The following TMEM116 variants were observed in gnomAD, a reference collection of about 807,000 sequenced individuals.
TMEM116 encodes the protein transmembrane protein 116.
TMEM116 carries 38 observed loss-of-function variants against 44.3 expected under a neutral mutation model. That is an observed-to-expected ratio of 0.86 (90% CI 0.66 to 1.12). TMEM116 has a LOEUF of 1.12. Ranked by LOEUF, TMEM116 falls within the 50% of genes most tolerant of loss-of-function variation. The pLI is 0.00. For missense variants in TMEM116, 354 were observed against 401.7 expected (o/e 0.88, Z 1.01); for synonymous variants, 132 against 144.8 (o/e 0.91, Z 0.64).
At position 111,933,427 on chromosome 12, in the gene TMEM116, T is replaced by C. The variant is rs1181460149; in HGVS notation, c.733+459A>G. Among the ~76,000 whole-genome samples the C allele has an allele frequency of 2.0e-5, 3 of 151,494 alleles. No individual in the cohort carries two copies. In the East Asian group the frequency reaches 5.8e-4, roughly 29 times the overall value. Reference sequence around the variant, plus strand: ...AGGAGTTAAGGAGGGTAGTAAAAACTGGAAATATGGGTAGGGCCCATACAA... The same window carrying C: ...AGGAGTTAAGGAGGGTAGTAAAAACCGGAAATATGGGTAGGGCCCATACAA... On this transcript the variant is annotated intron_variant, in intron 9 of 10. Coordinates refer to ENST00000552374, the MANE Select transcript of TMEM116 (RefSeq NM_001193531.2).
chr12:111,931,875 G>C (rs1005099969), intron 10 of TMEM116, 48 bp from the exon 11 acceptor site: 3 of 1,315,764 alleles, frequency 2.3e-6, no homozygotes, highest in Non-Finnish European at 3.1e-6. Flanking sequence ...GGTTTTCAGG[G>C]ATCCAGGGAA....
intron 4 of TMEM116, among the ~76,000 whole-genome samples, chr12:111,968,446 A>G (rs1255893218): frequency 6.6e-6 from 1 of 152,228 alleles, no homozygotes; most frequent in Admixed American, 6.5e-5. Context: ...ACAATTCAAG[A>G]ATAGTTATGG....
chr12:111,962,395 T>G (rs1441487421), intron 4 of TMEM116, among the ~76,000 whole-genome samples: 3 of 152,132 alleles, frequency 2.0e-5, no homozygotes, highest in African/African-American at 7.2e-5. Flanking sequence ...GGAGGCATCA[T>G]GCCACCTGAC....
intron 4 of TMEM116, among the ~76,000 whole-genome samples, chr12:111,974,272 A>G (rs574429144): frequency 6.6e-6 from 1 of 152,312 alleles, no homozygotes; most frequent in South Asian, 2.1e-4. Context: ...AATCAGGAAA[A>G]AGACAGGACT....
intron 4 of TMEM116, among the ~76,000 whole-genome samples, chr12:111,965,217 A>T (rs1056844554): frequency 3.3e-5 from 5 of 152,110 alleles, no homozygotes; most frequent in African/African-American, 1.2e-4. Context: ...CCAGCTAGAG[A>T]GTAATTTTGA....
At chr12:111,979,273 A>T (rs2075826729) in intron 4 of TMEM116, among the ~76,000 whole-genome samples, 1 of 151,112 alleles carries the variant, frequency 6.6e-6, no homozygotes, top group African/African-American at 2.4e-5. Context: ...TATACATATT[A>T]TATATATATA....
At chr12:111,985,049 A>G (rs1416227713) in intron 4 of TMEM116, among the ~76,000 whole-genome samples, 1 of 152,190 alleles carries the variant, frequency 6.6e-6, no homozygotes, top group African/African-American at 2.4e-5. Context: ...ATACTCAATG[A>G]TGAAAGACAA....
chr12:112,005,218 C>T (rs1303994183), intron 2 of TMEM116, 39 bp downstream of exon 2: 2 of 1,347,702 alleles, frequency 1.5e-6, no homozygotes, highest in Non-Finnish European at 1.9e-6. Flanking sequence ...ACGAACTTTG[C>T]TTATACTAGT....
chr12:112,008,307 C>G (rs998348265), intron 1 of TMEM116, among the ~76,000 whole-genome samples: 1 of 152,044 alleles, frequency 6.6e-6, no homozygotes, highest in Non-Finnish European at 1.5e-5. Context: ...ATGGTGAAAC[C>G]CCGCCTCTAC....
intron 4 of TMEM116, among the ~76,000 whole-genome samples, chr12:111,985,018 A>G (rs754306365): frequency 7.2e-5 from 11 of 152,072 alleles, no homozygotes; most frequent in African/African-American, 1.4e-4. Context: ...CTCATACTCA[A>G]TGATGAAAGA....
Position 111,932,641 on chromosome 12 carries a change from A to G in TMEM116, c.752T>C (p.Ile251Thr), listed in dbSNP as rs768095473. The change falls in exon 10 of 11, where the codon ATA (isoleucine) becomes ACA (threonine). Residue 251 changes from isoleucine (I) to threonine (T), a missense_variant. Ile to Thr is a moderately conservative substitution (Grantham distance 89). Transcript: ENST00000552374. ...CWGPAVILMI[I>T]KLTKPQDTKL... ...GGTGTCCTGTGGCTTAGTCAGCTTT[A>G]TGATCATTAGAATGACAGCTGTGAA... 6.2e-7 allele frequency: 1 copy of G among 1,614,072 alleles called. No individual in the cohort carries two copies.
intron 3 of TMEM116, among the ~76,000 whole-genome samples, chr12:111,996,149 T>G (rs2076923122): frequency 6.6e-6 from 1 of 151,614 alleles, no homozygotes; most frequent in African/African-American, 2.4e-5. Flanking sequence ...ATGTCTTCAA[T>G]TTTTGTTTAG....
chr12:111,952,232 C>T (rs918748214), intron 4 of TMEM116, among the ~76,000 whole-genome samples: 2 of 151,944 alleles, frequency 1.3e-5, no homozygotes, highest in Admixed American at 1.3e-4. Context: ...CATCTCAAAA[C>T]AAAACAAAAC....
At chr12:111,972,315 C>T (rs1186779732) in intron 4 of TMEM116, among the ~76,000 whole-genome samples, 1 of 151,724 alleles carries the variant, frequency 6.6e-6, no homozygotes, top group Non-Finnish European at 1.5e-5. Flanking sequence ...GTTTATGTAC[C>T]TAATAAAAGA....
intron 5 of TMEM116, 140 bp downstream of exon 5, chr12:111,943,125 A>G: frequency 1.4e-6 from 1 of 693,626 alleles, no homozygotes; most frequent in Non-Finnish European, 2.5e-6. Context: ...GGCTTTCACC[A>G]CTTGCCCAGA....
intron 3 of TMEM116, among the ~76,000 whole-genome samples, chr12:112,002,393 C>CAAAA (rs1160168400): frequency 1.5e-5 from 1 of 66,900 alleles, no homozygotes; most frequent in African/African-American, 5.4e-5. Context: ...AACTCTGTCT[C>CAAAA]AAAAAAAAAA....
chr12:111,950,817 C>A (rs2073682100), intron 4 of TMEM116, among the ~76,000 whole-genome samples: 1 of 151,986 alleles, frequency 6.6e-6, no homozygotes, highest in Non-Finnish European at 1.5e-5. Context: ...GCAAAAAATG[C>A]AAAAATTGCC....
intron 4 of TMEM116, among the ~76,000 whole-genome samples, chr12:111,976,559 C>T (rs73426393): frequency 0.096 from 14,657 of 152,110 alleles, 809 homozygotes; most frequent in Middle Eastern, 0.18. Context: ...TACCTAATAC[C>T]TCACAACTTT....
At chr12:111,993,241 C>T (rs1386638558) in intron 3 of TMEM116, 1 of 434,820 alleles carries the variant, frequency 2.3e-6, no homozygotes, top group Non-Finnish European at 4.7e-6. Context: ...GCGGTCATTC[C>T]CCTGGGTTTA....
Sources: gnomAD v4.1 joint callset for allele counts (sites outside exome capture counted in the v4.1 genomes callset) on GRCh38, gnomAD v4.1.1 for gene constraint, MANE v1.5 for transcripts, NCBI Gene and HGNC (gene_info 2026-07-23, HGNC 2026-07-21) for gene names.